KDELR2: variants seen among roughly 807,000 people sequenced by gnomAD.
The protein encoded by KDELR2 is ER lumen protein-retaining receptor 2.
Under a neutral mutation model 23.9 loss-of-function variants are expected in KDELR2, and 15 were observed. The observed-to-expected ratio is 0.63, with a 90% CI of 0.42 to 0.97. KDELR2 has a LOEUF of 0.97. Ranked by LOEUF, KDELR2 falls within the 50% of genes least tolerant of loss-of-function variation. The pLI, the probability that KDELR2 is intolerant of heterozygous loss-of-function variation, is 0.00. For synonymous variants in KDELR2, 119 were observed against 106.2 expected (o/e 1.12, Z -0.74); for missense variants, 272 against 254.6 (o/e 1.07, Z -0.46).
At chr7:6,477,753 G>C (rs1269741013) in intron 1 of KDELR2, among the ~76,000 whole-genome samples, 1 of 152,128 alleles carries the variant, frequency 6.6e-6, no homozygotes, top group Non-Finnish European at 1.5e-5. Flanking sequence ...GACCTCCTAG[G>C]CTCAAGCAAT....
intron 3 of KDELR2, among the ~76,000 whole-genome samples, chr7:6,466,919 C>T (rs952256015): frequency 3.9e-5 from 6 of 152,240 alleles, no homozygotes; most frequent in Non-Finnish European, 5.9e-5. Context: ...TGCTCACCCA[C>T]GGCTCATCTC....
At chr7:6,467,737 G>C (rs767751870) in intron 3 of KDELR2, among the ~76,000 whole-genome samples, 2 of 152,086 alleles carry the variant, frequency 1.3e-5, no homozygotes, top group Non-Finnish European at 2.9e-5. Context: ...CTCCAGCCTG[G>C]GTGACAGCGA....
chr7:6,467,537 G>T (rs886732351), intron 3 of KDELR2, among the ~76,000 whole-genome samples: 3 of 152,120 alleles, frequency 2.0e-5, no homozygotes, highest in Non-Finnish European at 2.9e-5. Flanking sequence ...GAGACAGGCA[G>T]ATCACCTGAG....
chr7:6,463,025 C>T lies in KDELR2; in HGVS notation c.*116G>A, dbSNP rs926326592. On this transcript the variant is annotated 3_prime_UTR_variant, in exon 5 of 5. Transcript: ENST00000258739. ...TTTTTACAGAGCCACTGATGACTAT[C>T]TGCAACAAAAGAGTTAAGTTTCTGA... The T allele has an allele frequency of 6.2e-7, 1 of 1,614,194 alleles. No individual in the cohort carries two copies. The highest frequency in any genetic ancestry group is 2.2e-5 in the East Asian group (1 of 44,886).
intron 1 of KDELR2, among the ~76,000 whole-genome samples, chr7:6,483,652 G>A (rs61732206): frequency 0.02 from 3,051 of 152,324 alleles, 46 homozygotes; most frequent in Middle Eastern, 0.11. Context: ...GAGGGGCCAC[G>A]CCTGTCGGAC....
intron 1 of KDELR2, among the ~76,000 whole-genome samples, chr7:6,481,245 T>C (rs142374725): frequency 0.029 from 4,471 of 151,724 alleles, 223 homozygotes; most frequent in African/African-American, 0.1. Flanking sequence ...GGCAAGCGCC[T>C]GTAGTCCCAG....
intron 4 of KDELR2, among the ~76,000 whole-genome samples, chr7:6,465,815 G>A (rs927357078): frequency 1.3e-5 from 2 of 152,160 alleles, no homozygotes; most frequent in Admixed American, 6.5e-5. Context: ...AGAGGTATCT[G>A]GTGTTAATGT....
chr7:6,464,959 C>A (rs1308768737), intron 4 of KDELR2, among the ~76,000 whole-genome samples: 1 of 151,870 alleles, frequency 6.6e-6, no homozygotes, highest in Non-Finnish European at 1.5e-5. Flanking sequence ...TAGTCTTGAA[C>A]TCCTGACCTC....
intron 1 of KDELR2, 24 bp from the exon 2 acceptor site, chr7:6,474,308 T>C (rs375325084): frequency 1.3e-6 from 2 of 1,501,524 alleles, no homozygotes; most frequent in Non-Finnish European, 1.9e-6. Context: ...AGGGAAGTAT[T>C]AGAAGGGCCT....
intron 4 of KDELR2, 109 bp from the exon 5 acceptor site, chr7:6,463,284 A>G: frequency 2.5e-6 from 2 of 795,824 alleles, no homozygotes; most frequent in South Asian, 1.8e-5. Context: ...TCTACATAGT[A>G]AGGTATAGGA....
intron 3 of KDELR2, 100 bp from the exon 4 acceptor site, chr7:6,466,423 T>C (rs899011070): frequency 9.6e-6 from 14 of 1,452,728 alleles, no homozygotes; most frequent in Admixed American, 6.0e-5. Context: ...CTAAGATGAG[T>C]GGGGAGTGGG....
intron 1 of KDELR2, among the ~76,000 whole-genome samples, chr7:6,483,614 C>A (rs1044293109): frequency 6.6e-6 from 1 of 152,204 alleles, no homozygotes; most frequent in African/African-American, 2.4e-5. Flanking sequence ...AGATCCCGGC[C>A]GGAGAAGCGC....
intron 3 of KDELR2, among the ~76,000 whole-genome samples, chr7:6,468,984 C>G (rs1456848279): frequency 6.6e-6 from 1 of 150,902 alleles, no homozygotes; most frequent in Non-Finnish European, 1.5e-5. Context: ...CGGAGTCTTA[C>G]TCTCTCGCCC....
chr7:6,471,126 AAAAT>A (rs143204446), intron 2 of KDELR2, among the ~76,000 whole-genome samples: 61,913 of 110,614 alleles, frequency 0.56, 19,404 homozygotes, highest in Middle Eastern at 0.72. Context: ...AAAAAAATAA[AAAAT>A]AAATAAATAA....
intron 3 of KDELR2, among the ~76,000 whole-genome samples, chr7:6,468,651 G>A (rs1031673997): frequency 7.2e-5 from 11 of 152,082 alleles, no homozygotes; most frequent in Middle Eastern, 3.4e-3. Context: ...GACTACAGGC[G>A]CCCGCCACCA....
intron 2 of KDELR2, chr7:6,470,271 A>G (rs974681611): frequency 6.6e-6 from 1 of 152,456 alleles, no homozygotes; most frequent in Non-Finnish European, 1.5e-5. Context: ...TGGCGTTTGC[A>G]TGCTCTCCCC....
chr7:6,466,415 A>C, intron 3 of KDELR2, 92 bp from the exon 4 acceptor site: 2 of 1,510,096 alleles, frequency 1.3e-6, no homozygotes, highest in Non-Finnish European at 9.0e-7. Context: ...AAAGCAGCCT[A>C]AGATGAGTGG....
rs1045448415 is a variant in KDELR2, at chr7:6,461,753, A to C, written c.*1388T>G. 1 of 151,912 alleles carries C rather than the reference A, an allele frequency of 6.6e-6. No individual in the cohort carries two copies. Among genetic ancestry groups the C allele is most frequent in the Non-Finnish European group, 1.5e-5 (1 of 68,030 alleles). The allele number at this position is 151,912 out of a possible 1,614,324, so 9.4% of individuals were successfully genotyped here. A position where few individuals can be genotyped will look rare whatever the true frequency, so the allele number is the denominator to read the frequency against. Reference sequence around the variant, plus strand: ...AAAATACTACATCCTTCTTGTAGTCAGCACTGTTAGTATTCAACACTTTAA... The same window carrying C: ...AAAATACTACATCCTTCTTGTAGTCCGCACTGTTAGTATTCAACACTTTAA... On this transcript the variant is annotated 3_prime_UTR_variant, in exon 5 of 5. Transcript: ENST00000258739.
chr7:6,467,082 AC>A (rs1785518970), intron 3 of KDELR2, among the ~76,000 whole-genome samples: 1 of 151,990 alleles, frequency 6.6e-6, no homozygotes, highest in African/African-American at 2.4e-5. Context: ...GGACACCTCT[AC>A]CTCTTTGAAT....
Sources: allele counts gnomAD v4.1 joint callset (sites outside exome capture counted in the v4.1 genomes callset), GRCh38; gene constraint gnomAD v4.1.1; transcripts MANE v1.5; gene names NCBI Gene and HGNC (gene_info 2026-07-23, HGNC 2026-07-21).